The following DNAH2 variants were observed in gnomAD, a reference collection of about 807,000 sequenced individuals.
The protein encoded by DNAH2 is axonemal beta dynein heavy chain 2.
DNAH2 carries 323 observed loss-of-function variants against 523.5 expected under a neutral mutation model. That is an observed-to-expected ratio of 0.62 (90% CI 0.56 to 0.68). The LOEUF is 0.68. Ranked by LOEUF, DNAH2 falls within the 30% of genes least tolerant of loss-of-function variation. DNAH2 has a pLI of 0.00. For missense variants in DNAH2, 4,907 were observed against 5,701.5 expected, an observed-to-expected ratio of 0.86 and a Z score of 4.49; for synonymous variants, 2,093 against 2,177.4, an observed-to-expected ratio of 0.96 and a Z score of 1.08.
chr17:7,728,397 G>A lies in DNAH2; in HGVS notation c.399+1105G>A, dbSNP rs117881532. ...AAAAGTGGAAAGGATGAGATTGATTGGCATGGCCCTGTGAAACAATGACGC... is the reference window on the plus strand; with the variant it reads ...AAAAGTGGAAAGGATGAGATTGATTAGCATGGCCCTGTGAAACAATGACGC... On this transcript the variant is annotated intron_variant, in intron 4 of 85. Transcript: ENST00000572933. 6.8e-3 allele frequency among the ~76,000 whole-genome samples: 1,034 copies of A among 152,250 alleles called. 9 individuals carry two copies. The highest frequency in any genetic ancestry group is 0.031 in the Middle Eastern group (9 of 292).
At chr17:7,830,071 G>GC (rs1432893746) in intron 77 of DNAH2, among the ~76,000 whole-genome samples, 1 of 151,806 alleles carries the variant, frequency 6.6e-6, no homozygotes, top group Non-Finnish European at 1.5e-5. Context: ...AGAAGGCAGG[G>GC]CTGCCGCAAG....
intron 42 of DNAH2, 50 bp from the exon 43 acceptor site, chr17:7,787,810 A>G: frequency 6.4e-7 from 1 of 1,550,660 alleles, no homozygotes; most frequent in Non-Finnish European, 8.7e-7. Flanking sequence ...TTATTCCTGA[A>G]GGTGGGGGAT....
chr17:7,722,964 CTTTTTTTTT>C (rs559136734), intron 2 of DNAH2, among the ~76,000 whole-genome samples: 5 of 114,698 alleles, frequency 4.4e-5, no homozygotes, highest in Admixed American at 9.0e-5. Flanking sequence ...CTTTTCTTTC[CTTTTTTTTT>C]TTTTTTTTTT....
intron 18 of DNAH2, among the ~76,000 whole-genome samples, chr17:7,763,437 T>C (rs530803445): frequency 6.6e-6 from 1 of 152,062 alleles, no homozygotes; most frequent in South Asian, 2.1e-4. Flanking sequence ...TGAGCCACTG[T>C]GCCTGGCCAA....
intron 63 of DNAH2, among the ~76,000 whole-genome samples, chr17:7,811,076 C>T (rs1425265860): frequency 1.3e-5 from 2 of 152,206 alleles, no homozygotes; most frequent in East Asian, 3.9e-4. Flanking sequence ...CCATTTTTTC[C>T]CATTTTGCAT....
At position 7,759,452 on chromosome 17, in the gene DNAH2, C is replaced by T. The variant is rs760771496; in HGVS notation, c.2479C>T (p.Arg827Trp). 28 of 1,613,650 alleles carry T rather than the reference C, an allele frequency of 1.7e-5. No homozygotes were observed. Among genetic ancestry groups the T allele is most frequent in the African/African-American group, 1.5e-4 (11 of 74,898 alleles). Residue 827 changes from arginine to tryptophan, a missense_variant, in exon 16 of 86, where the codon CGG becomes TGG. By Grantham distance (101) the Arg-to-Trp change is moderately radical. Transcript: ENST00000572933. ...GCAGCAGTGGATGCTGTACATGATT[C>T]GGCTGGACCGCATGATGGAGGATGC... ...IQQQWMLYMI[R>W]LDRMMEDALR...
chr17:7,819,493 A>G (rs1201612235), intron 72 of DNAH2, 85 bp downstream of exon 72: 3 of 1,466,042 alleles, frequency 2.0e-6, no homozygotes, highest in Admixed American at 3.5e-5. Flanking sequence ...GCTTTCCCGC[A>G]CCGCGGCTCT....
In DNAH2 at chr17:7,831,173, C is replaced by T. The variant is rs1317542783; in HGVS notation, c.12318C>T (p.Asp4106=). Residue 4106 remains aspartate (D), a synonymous_variant, in exon 80 of 86, where the codon GAC becomes GAT. Coordinates refer to ENST00000572933, the MANE Select transcript of DNAH2 (RefSeq NM_020877.5). The surrounding 1 kb of genome is among the most constrained non-coding windows in gnomAD (Gnocchi z 4.2). ...KEYISLLPGM[D]PPEAFGQHPN... is the part of the protein sequence containing the mutation. ...ACATCAGCTTATTGCCTGGCATGGA[C>T]CCCCCTGAGGCCTTTGGCCAGCACC... The T allele has an allele frequency of 1.2e-6, 2 of 1,614,024 alleles. No homozygotes were observed. Among genetic ancestry groups the T allele is most frequent in the East Asian group, 2.2e-5 (1 of 44,882 alleles).
rs138057837 is a variant in DNAH2 at position 7,793,047 on chromosome 17, G to C, written c.7411G>C (p.Val2471Leu). The stretch of plus-strand genomic sequence containing the variant: ...TGAGAAGCGAACCAAGGGTGTCTAC[G>C]TGCCATTCGGGGGCAAAAGCATGAT... ...RVEKRTKGVY[V>L]PFGGKSMITF... Residue 2471 changes from valine (V) to leucine (L), a missense_variant, in exon 48 of 86, where the codon GTG (valine) becomes CTG (leucine). This residue lies in a region of DNAH2 where 2,806 missense variants were observed against 3,190.8 expected (regional missense o/e 0.88). Transcript: ENST00000572933. 6.2e-7 allele frequency: 1 copy of C among 1,614,164 alleles called. No homozygotes were observed. The highest frequency in any genetic ancestry group is 1.1e-5 in the South Asian group (1 of 91,086).
At chr17:7,746,993 T>TAAAAAAA (rs768828946) in intron 12 of DNAH2, among the ~76,000 whole-genome samples, 1 of 100,394 alleles carries the variant, frequency 1.0e-5, no homozygotes. Flanking sequence ...ATCTCAAAAT[T>TAAAAAAA]AAAAAAAAAA....
intron 24 of DNAH2, among the ~76,000 whole-genome samples, chr17:7,769,463 G>T (rs1169758094): frequency 6.6e-6 from 1 of 152,106 alleles, no homozygotes; most frequent in Admixed American, 6.5e-5. Flanking sequence ...TGCCCGTCCC[G>T]CCTTATGTCT....
chr17:7,818,754 G>A lies in DNAH2; in HGVS notation c.10648G>A (p.Glu3550Lys), dbSNP rs755405973. 1.9e-6 allele frequency: 3 copies of A among 1,614,038 alleles called. No homozygotes were observed. Among genetic ancestry groups the A allele is most frequent in the South Asian group, 2.2e-5 (2 of 91,078 alleles). The change falls in exon 70 of 86, where the codon GAG becomes AAG. Residue 3550 changes from glutamate (E) to lysine (K), a missense_variant. Coordinates refer to ENST00000572933, the MANE Select transcript of DNAH2 (RefSeq NM_020877.5). The stretch of plus-strand genomic sequence containing the variant: ...CGCGGCTGGTAAAAGGAAGCTCAAG[G>A]AGCTGGAGGATGAGATCCTGCGGTG... ...NIAAGKRKLK[E>K]LEDEILRLLN...
At chr17:7,817,152 C>G (rs1436780918) in intron 64 of DNAH2, 138 bp from the exon 65 acceptor site, 2 of 1,211,382 alleles carry the variant, frequency 1.7e-6, no homozygotes, top group East Asian at 5.2e-5. Context: ...CTAGAGTTGT[C>G]AGGACACACA....
intron 56 of DNAH2, among the ~76,000 whole-genome samples, chr17:7,800,103 G>A (rs1443056424): frequency 6.6e-6 from 1 of 152,188 alleles, no homozygotes; most frequent in Non-Finnish European, 1.5e-5. Flanking sequence ...CCAGGCTGGA[G>A]TGCAGTGCTG....
At chr17:7,801,740 AT>A in intron 57 of DNAH2, 30 bp downstream of exon 57, 1 of 1,612,256 alleles carries the variant, frequency 6.2e-7, no homozygotes, top group Non-Finnish European at 8.5e-7. Context: ...CTCTCATTGC[AT>A]CCCTGGCCTC....
intron 63 of DNAH2, among the ~76,000 whole-genome samples, chr17:7,809,993 A>T (rs954611904): frequency 1.3e-5 from 2 of 149,250 alleles, no homozygotes; most frequent in Non-Finnish European, 3.0e-5. Flanking sequence ...CCCGAAATGT[A>T]CCTTCCTTTC....
Position 7,794,278 on chromosome 17 carries a change from G to A in DNAH2, c.7594G>A (p.Gly2532Ser). 1 of 1,608,594 alleles carries A rather than the reference G, an allele frequency of 6.2e-7. No individual in the cohort carries two copies. The highest frequency in any genetic ancestry group is 8.5e-7 in the Non-Finnish European group (1 of 1,177,656). ...GGAAATGTTCCTGATGGCTGCCATG[G>A]GCCCCCCTGGGGGTGGACGGACTGT... Reference protein sequence around the residue: ...IREMFLMAAMGPPGGGRTVIS... With the variant: ...IREMFLMAAMSPPGGGRTVIS... Residue 2532 changes from glycine to serine, a missense_variant, in exon 49 of 86, where the codon GGC (glycine) becomes AGC (serine). This residue lies in a region of DNAH2 where 250 missense variants were observed against 371.3 expected (regional missense o/e 0.67). Coordinates refer to ENST00000572933, the MANE Select transcript of DNAH2 (RefSeq NM_020877.5).
intron 3 of DNAH2, among the ~76,000 whole-genome samples, chr17:7,725,981 A>G (rs1345614750): frequency 1.3e-5 from 2 of 152,000 alleles, no homozygotes; most frequent in South Asian, 2.1e-4. Context: ...GTATCTTCAT[A>G]TCTTCTGATT....
At chr17:7,774,707 C>A in intron 28 of DNAH2, 52 bp from the exon 29 acceptor site, 1 of 1,528,096 alleles carries the variant, frequency 6.5e-7, no homozygotes, top group Non-Finnish European at 8.9e-7. Context: ...CATCCAGATC[C>A]GCCCAGGGCA....
Sources: allele counts gnomAD v4.1 joint callset (sites outside exome capture counted in the v4.1 genomes callset), GRCh38; gene constraint gnomAD v4.1.1; regional missense constraint gnomAD v4.1.1; non-coding constraint Gnocchi (gnomAD v3.1); transcripts MANE v1.5; gene names NCBI Gene and HGNC (gene_info 2026-07-23, HGNC 2026-07-21).